Variants in SHOC1 observed in about 807,000 individuals in gnomAD.
The protein encoded by SHOC1 is protein shortage in chiasmata 1 ortholog.
SHOC1 carries 136 observed loss-of-function variants against 179.2 expected under a neutral mutation model. That is an observed-to-expected ratio of 0.76 (90% CI 0.66 to 0.87). The LOEUF (loss-of-function observed/expected upper bound fraction) is 0.87, where lower values mean the gene tolerates loss of function less well. Among genes scored for constraint, SHOC1 ranks in the 40% least tolerant of loss-of-function variants. The probability of loss-of-function intolerance (pLI) is 0.00; values close to 1 mark genes in which losing one functional copy is unlikely to be tolerated. For missense variants in SHOC1, 1,538 were observed against 1,700.8 expected (o/e 0.90, Z 1.68); for synonymous variants, 489 against 586.6 (o/e 0.83, Z 2.41).
intron 27 of SHOC1, among the ~76,000 whole-genome samples, chr9:111,689,348 A>AATAATAATTATT (rs1554707165): frequency 4.8e-5 from 7 of 146,558 alleles, no homozygotes; most frequent in African/African-American, 1.8e-4. Context: ...TAATAATAAT[A>AATAATAATTATT]ATTATTATTA....
intron 4 of SHOC1, among the ~76,000 whole-genome samples, chr9:111,777,037 T>G (rs925185796): frequency 1.3e-5 from 2 of 152,274 alleles, no homozygotes; most frequent in South Asian, 4.1e-4. Context: ...GAGTGCTGAC[T>G]GTTCAGGTTG....
At position 111,694,926 on chromosome 9, in the gene SHOC1, C is replaced by T. The variant is rs180819609; in HGVS notation, c.3184-564G>A. ...ATTGGCTTACTGATTCTAAGATACC[C>T]CTGCCAAAAATGTGGTGTTTGTGTA... On this transcript the variant is annotated intron_variant, in intron 24 of 27. Transcript: ENST00000682961. 3.1e-3 allele frequency among the ~76,000 whole-genome samples: 467 copies of T among 152,034 alleles called. 7 individuals are homozygous for T. The highest frequency in any genetic ancestry group is 0.026 in the South Asian group (126 of 4,826).
intron 9 of SHOC1, among the ~76,000 whole-genome samples, chr9:111,746,984 A>G (rs184991547): frequency 8.2e-4 from 125 of 152,244 alleles, no homozygotes; most frequent in African/African-American, 2.7e-3. Context: ...TACTTAGGCA[A>G]TAGAATTATT....
At chr9:111,705,941 G>T (rs12353397) in intron 20 of SHOC1, among the ~76,000 whole-genome samples, 37,576 of 151,946 alleles carry the variant, frequency 0.25, 4,952 homozygotes, top group African/African-American at 0.32. Flanking sequence ...TGACCGTATT[G>T]TTAGAAATGA....
intron 26 of SHOC1, among the ~76,000 whole-genome samples, chr9:111,693,421 C>CAAAAA (rs59200447): frequency 5.8e-5 from 5 of 85,822 alleles, no homozygotes; most frequent in Admixed American, 1.5e-4. Context: ...CCCGTTTCTA[C>CAAAAA]AAAAAAAAAA....
chr9:111,693,752 C>A, intron 26 of SHOC1, 47 bp downstream of exon 26: 1 of 1,247,862 alleles, frequency 8.0e-7, no homozygotes, highest in Non-Finnish European at 1.1e-6. Context: ...ATACTCAAAT[C>A]GAAAGGAAAT....
intron 6 of SHOC1, 25 bp downstream of exon 6, chr9:111,758,670 C>T: frequency 1.3e-6 from 2 of 1,537,814 alleles, no homozygotes; most frequent in Non-Finnish European, 1.7e-6. Flanking sequence ...AAAATATTTA[C>T]AGCATTGGTC....
At chr9:111,770,569 G>C (rs1009859990) in intron 5 of SHOC1, among the ~76,000 whole-genome samples, 3 of 152,098 alleles carry the variant, frequency 2.0e-5, no homozygotes, top group African/African-American at 7.2e-5. Context: ...GCCTATTCTA[G>C]TGTGTAGTTT....
At chr9:111,710,953 G>GAA in intron 18 of SHOC1, among the ~76,000 whole-genome samples, 1 of 152,134 alleles carries the variant, frequency 6.6e-6, no homozygotes, top group Non-Finnish European at 1.5e-5. Flanking sequence ...GGTAACCAAA[G>GAA]GGTGACATAG....
intron 23 of SHOC1, among the ~76,000 whole-genome samples, chr9:111,701,651 G>A (rs774730520): frequency 5.9e-5 from 9 of 152,016 alleles, no homozygotes; most frequent in African/African-American, 9.7e-5. Flanking sequence ...GTTTTAGACC[G>A]GAAATATTAT....
chr9:111,692,169 A>G lies in SHOC1; in HGVS notation c.3808T>C (p.Phe1270Leu), dbSNP rs745835560. 4 of 1,613,858 alleles carry G rather than the reference A, an allele frequency of 2.5e-6. No homozygotes were observed. Among genetic ancestry groups the G allele is most frequent in the Non-Finnish European group, 3.4e-6 (4 of 1,179,820 alleles). ...CKSNIGQNTP[F>L]LINIESRRPA... ...CTCCTTGATTCTATATTAATTAGAA[A>G]AGGAGTATTCTGCCCTATATTAGAT... The change falls in exon 27 of 28, where the codon TTT becomes CTT. Residue 1270 changes from phenylalanine (F) to leucine (L), a missense_variant. Physicochemically the swap from Phe to Leu is conservative, Grantham distance 22 (BLOSUM62 0). Coordinates refer to ENST00000682961, the MANE Select transcript of SHOC1 (RefSeq NM_001378211.1).
chr9:111,724,262 T>C (rs942629607), intron 13 of SHOC1, among the ~76,000 whole-genome samples: 6 of 152,168 alleles, frequency 3.9e-5, no homozygotes, highest in Admixed American at 6.5e-5. Flanking sequence ...ACTTTCCACA[T>C]ACCCTTTCTT....
Position 111,691,291 on chromosome 9 carries a change from C to T in SHOC1, c.4426+260G>A, listed in dbSNP as rs117846883. ...GTTTAATCTTTGTTGATTTTAGTCT[C>T]CTGCTTTACTTAGAGTTGCACTGCT... On this transcript the variant is annotated intron_variant, in intron 27 of 27. Transcript: ENST00000682961. 6.5e-3 allele frequency among the ~76,000 whole-genome samples: 992 copies of T among 152,210 alleles called. 4 individuals are homozygous for T. Among genetic ancestry groups the T allele is most frequent in the Middle Eastern group, 0.017 (5 of 294 alleles).
chr9:111,700,086 T>G (rs2131337247), intron 23 of SHOC1, 39 bp from the exon 24 acceptor site: 1 of 990,948 alleles, frequency 1.0e-6, no homozygotes, highest in South Asian at 1.6e-5. Context: ...ATTCATTTGA[T>G]ATCAGATTAT....
chr9:111,724,993 G>T (rs543495362), intron 13 of SHOC1, among the ~76,000 whole-genome samples: 269 of 151,934 alleles, frequency 1.8e-3, no homozygotes, highest in Non-Finnish European at 3.2e-3. Flanking sequence ...TATTATAGAG[G>T]ATTTACACAC....
At chr9:111,716,949 A>T (rs909187926) in intron 16 of SHOC1, among the ~76,000 whole-genome samples, 1 of 152,204 alleles carries the variant, frequency 6.6e-6, no homozygotes, top group Non-Finnish European at 1.5e-5. Context: ...ATAAGTGTGT[A>T]GTGTCACATG....
intron 18 of SHOC1, among the ~76,000 whole-genome samples, chr9:111,712,244 AC>A (rs1444755452): frequency 6.6e-6 from 1 of 152,226 alleles, no homozygotes; most frequent in Admixed American, 6.5e-5. Context: ...CATTAAAGAC[AC>A]CTAGAATAAT....
intron 12 of SHOC1, among the ~76,000 whole-genome samples, chr9:111,731,304 A>C (rs1448049328): frequency 1.3e-5 from 2 of 152,154 alleles, no homozygotes; most frequent in Admixed American, 6.5e-5. Context: ...AAAGCAAGAG[A>C]CCTAGCTTTT....
chr9:111,756,176 T>A, intron 8 of SHOC1, 149 bp downstream of exon 8: 1 of 545,470 alleles, frequency 1.8e-6, no homozygotes, highest in Non-Finnish European at 3.0e-6. Flanking sequence ...AATAATCTCA[T>A]CAAAAATAAT....
Sources: gnomAD v4.1 joint callset for allele counts (sites outside exome capture counted in the v4.1 genomes callset) on GRCh38, gnomAD v4.1.1 for gene constraint, MANE v1.5 for transcripts, NCBI Gene and HGNC (gene_info 2026-07-23, HGNC 2026-07-21) for gene names.